Variants in DUSP22 observed in about 807,000 individuals in gnomAD.
The protein encoded by DUSP22 is dual specificity protein phosphatase 22.
A neutral mutation model predicts 24.5 loss-of-function variants in DUSP22; 24 were observed. The observed-to-expected ratio is 0.98, with a 90% CI of 0.71 to 1.38. DUSP22 has a LOEUF of 1.38. Among genes scored for constraint, DUSP22 ranks in the 40% most tolerant of loss-of-function variants. The pLI is 0.00. For missense variants in DUSP22, 330 were observed against 269.2 expected, an observed-to-expected ratio of 1.23 and a Z score of -1.58; for synonymous variants, 160 against 106.4, an observed-to-expected ratio of 1.50 and a Z score of -3.10.
At chr6:319,129 C>T (rs1426325747) in intron 3 of DUSP22, among the ~76,000 whole-genome samples, 1 of 151,794 alleles carries the variant, frequency 6.6e-6, no homozygotes, top group African/African-American at 2.4e-5. Context: ...CCCACTTTTT[C>T]CTCTATTTAA....
chr6:321,821 CT>C (rs1429619131), intron 3 of DUSP22, among the ~76,000 whole-genome samples: 1 of 152,310 alleles, frequency 6.6e-6, no homozygotes, highest in African/African-American at 2.4e-5. Context: ...ATTTCTCAGA[CT>C]GGGGAGTCAG....
At chr6:297,504 G>T (rs1246187081) in intron 1 of DUSP22, among the ~76,000 whole-genome samples, 2 of 152,300 alleles carry the variant, frequency 1.3e-5, no homozygotes, top group African/African-American at 4.8e-5. Context: ...GGCTACACCT[G>T]TAGACATTTC....
chr6:304,510 G>A, intron 1 of DUSP22, 118 bp from the exon 2 acceptor site: 1 of 1,450,588 alleles, frequency 6.9e-7, no homozygotes, highest in Non-Finnish European at 9.7e-7. Flanking sequence ...TCAGGGAGGT[G>A]CTGTACTGGG....
At chr6:316,919 G>A (rs1173979037) in intron 3 of DUSP22, among the ~76,000 whole-genome samples, 1 of 152,302 alleles carries the variant, frequency 6.6e-6, no homozygotes, top group Non-Finnish European at 1.5e-5. Context: ...GTATATACCA[G>A]GTAGATTTTA....
chr6:313,209 G>T (rs1375095095), intron 3 of DUSP22, among the ~76,000 whole-genome samples: 3 of 152,296 alleles, frequency 2.0e-5, no homozygotes, highest in Non-Finnish European at 4.4e-5. Context: ...GAGGCTTGAG[G>T]TTTCCTTTAT....
chr6:346,156 T>C (rs1759859713), intron 5 of DUSP22, among the ~76,000 whole-genome samples: 1 of 152,310 alleles, frequency 6.6e-6, no homozygotes, highest in African/African-American at 2.4e-5. Context: ...CCATTTCCAC[T>C]GCTAGGATTT....
intron 3 of DUSP22, among the ~76,000 whole-genome samples, chr6:333,536 T>C (rs1759228962): frequency 6.6e-6 from 1 of 152,306 alleles, no homozygotes; most frequent in African/African-American, 2.4e-5. Flanking sequence ...GGGAATTCTC[T>C]CACTTAGGTG....
chr6:340,444 C>G (rs979409810), intron 4 of DUSP22, among the ~76,000 whole-genome samples: 1 of 152,304 alleles, frequency 6.6e-6, no homozygotes, highest in Non-Finnish European at 1.5e-5. Flanking sequence ...GAAGAGGAAG[C>G]AGCTCTCTGT....
At chr6:329,339 CAG>C (rs1170462759) in intron 3 of DUSP22, among the ~76,000 whole-genome samples, 1 of 152,306 alleles carries the variant, frequency 6.6e-6, no homozygotes, top group Non-Finnish European at 1.5e-5. Context: ...TTAATAGGTG[CAG>C]AGTTTTACTT....
intron 1 of DUSP22, among the ~76,000 whole-genome samples, chr6:299,377 C>T (rs1302445504): frequency 6.6e-6 from 1 of 152,310 alleles, no homozygotes; most frequent in Admixed American, 6.5e-5. Context: ...GGATTACCAG[C>T]AACAAAAATA....
intron 4 of DUSP22, among the ~76,000 whole-genome samples, chr6:344,427 A>G (rs1156515359): frequency 6.6e-6 from 1 of 152,294 alleles, no homozygotes; most frequent in African/African-American, 2.4e-5. Flanking sequence ...CCGGGACTAC[A>G]GGCATGCACC....
intron 6 of DUSP22, 86 bp from the exon 7 acceptor site, chr6:348,683 C>T: frequency 3.8e-6 from 6 of 1,574,312 alleles, no homozygotes; most frequent in Non-Finnish European, 4.3e-6. Context: ...GGCACCATCT[C>T]TGTGGTGAAG....
At chr6:348,692 A>G (rs1760006181) in intron 6 of DUSP22, 77 bp from the exon 7 acceptor site, 8 of 1,588,104 alleles carry the variant, frequency 5.0e-6, no homozygotes, top group Non-Finnish European at 5.2e-6. Flanking sequence ...TCTGTGGTGA[A>G]GTCACAGGTG....
intron 4 of DUSP22, among the ~76,000 whole-genome samples, chr6:344,033 C>A (rs1257036360): frequency 1.3e-5 from 2 of 152,296 alleles, no homozygotes; most frequent in African/African-American, 4.8e-5. Context: ...GGTGTCAGCA[C>A]TTAACCCACA....
intron 3 of DUSP22, chr6:326,186 C>T (rs1439003118): frequency 4.7e-5 from 10 of 213,812 alleles, no homozygotes; most frequent in African/African-American, 1.1e-4. Context: ...TCTGCTGGTG[C>T]CTGGAGAGTC....
chr6:296,286 A>G (rs1171621409), intron 1 of DUSP22, among the ~76,000 whole-genome samples: 1 of 152,300 alleles, frequency 6.6e-6, no homozygotes, highest in Non-Finnish European at 1.5e-5. Context: ...TGTTTTGAGT[A>G]CTTTACCACA....
rs1758391489 is a variant in DUSP22, at chr6:317,596, GC to G, written c.138+5636del. ...GTCTTCAGTTTGTACTCTCAGTTGGGCCATGAGACACGTGTGCACTGTCCCT... is the reference window on the plus strand; with the variant it reads ...GTCTTCAGTTTGTACTCTCAGTTGGGCATGAGACACGTGTGCACTGTCCCT... On this transcript the variant is annotated intron_variant, in intron 3 of 6. Transcript: ENST00000419235. Among the ~76,000 whole-genome samples the G allele has an allele frequency of 5.3e-5, 8 of 152,300 alleles. No homozygotes were observed. In the South Asian group the frequency reaches 1.7e-3, roughly 31 times the overall value.
chr6:328,721 T>G (rs1759002292), intron 3 of DUSP22, among the ~76,000 whole-genome samples: 1 of 152,310 alleles, frequency 6.6e-6, no homozygotes, highest in African/African-American at 2.4e-5. Context: ...GAACCTGGAC[T>G]TAAAACATGA....
Position 349,965 on chromosome 6 carries a change from G to T in DUSP22, c.*1014G>T, listed in dbSNP as rs1394585175. On this transcript the variant is annotated 3_prime_UTR_variant, in exon 7 of 7. Coordinates refer to ENST00000419235, the MANE Select transcript of DUSP22 (RefSeq NM_001286555.3). ...TTGCAGGGGCTCCTCCTCAACATTTGCATGCACCTGCAAGAATTGGGAAGA... is the reference window on the plus strand; with the variant it reads ...TTGCAGGGGCTCCTCCTCAACATTTTCATGCACCTGCAAGAATTGGGAAGA... The T allele has an allele frequency of 7.1e-6, 7 of 985,640 alleles. No homozygotes were observed. The highest frequency in any genetic ancestry group is 6.1e-5 in the Admixed American group (1 of 16,280). The allele number at this position is 985,640 out of a possible 1,614,324, so 61.1% of individuals were successfully genotyped here.
Sources: allele counts gnomAD v4.1 joint callset (sites outside exome capture counted in the v4.1 genomes callset), GRCh38; gene constraint gnomAD v4.1.1; transcripts MANE v1.5; gene names NCBI Gene and HGNC (gene_info 2026-07-23, HGNC 2026-07-21).